Variants in MAP2K5 observed in about 807,000 individuals in gnomAD.
The protein encoded by MAP2K5 is mitogen-activated protein kinase kinase 5, also known as dual specificity mitogen-activated protein kinase kinase 5.
Under a neutral mutation model 83.1 loss-of-function variants are expected in MAP2K5, and 49 were observed. The observed-to-expected ratio is 0.59, with a 90% confidence interval of 0.47 to 0.75. MAP2K5 has a LOEUF of 0.75. MAP2K5 is among the 30% of genes least tolerant of loss of function. The probability of loss-of-function intolerance (pLI) is 0.00; values close to 1 mark genes in which losing one functional copy is unlikely to be tolerated. For missense variants in MAP2K5, 457 were observed against 557.5 expected, an observed-to-expected ratio of 0.82 and a Z score of 1.82; for synonymous variants, 202 against 191.8, an observed-to-expected ratio of 1.05 and a Z score of -0.44.
At chr15:67,735,275 G>C (rs1384690071) in intron 17 of MAP2K5, among the ~76,000 whole-genome samples, 1 of 152,156 alleles carries the variant, frequency 6.6e-6, no homozygotes, top group Non-Finnish European at 1.5e-5. Context: ...CCCAATGTGT[G>C]GGTAGCTTAG....
intron 19 of MAP2K5, among the ~76,000 whole-genome samples, chr15:67,762,654 A>G (rs1490385960): frequency 6.6e-6 from 1 of 152,080 alleles, no homozygotes; most frequent in African/African-American, 2.4e-5. Context: ...TTATCCCAAT[A>G]CTGAAGAACT....
intron 19 of MAP2K5, among the ~76,000 whole-genome samples, chr15:67,753,354 C>G (rs1417351890): frequency 6.6e-6 from 1 of 152,006 alleles, no homozygotes; most frequent in Admixed American, 6.5e-5. Flanking sequence ...TTATCAAAAT[C>G]AAAAACTTTT....
At chr15:67,585,378 A>G (rs1268887412) in intron 4 of MAP2K5, among the ~76,000 whole-genome samples, 1 of 152,208 alleles carries the variant, frequency 6.6e-6, no homozygotes, top group African/African-American at 2.4e-5. Flanking sequence ...AAAATTAGTT[A>G]TATATCTGTA....
rs539324841 is a variant in MAP2K5, at chr15:67,565,799, A to G, written c.252+2449A>G. On this transcript the variant is annotated intron_variant, in intron 3 of 21. Transcript: ENST00000178640. The surrounding 1 kb of genome is among the most constrained non-coding windows in gnomAD (Gnocchi z 4.1). ...ATTTAAAAAAATTTTTTGTAGAGAT[A>G]GGGTCTTGCTTTGTTGCCCAGGTTG... Among the ~76,000 whole-genome samples, 12 of 152,062 alleles carry G rather than the reference A, an allele frequency of 7.9e-5. No individual in the cohort carries two copies. The highest frequency in any genetic ancestry group is 2.4e-4 in the African/African-American group (10 of 41,498).
At chr15:67,666,709 T>C (rs1360125378) in intron 13 of MAP2K5, among the ~76,000 whole-genome samples, 1 of 152,188 alleles carries the variant, frequency 6.6e-6, no homozygotes, top group Non-Finnish European at 1.5e-5. Context: ...ACTTTTTCAG[T>C]TGGTGCTGGC....
chr15:67,629,618 C>T (rs948809398), intron 8 of MAP2K5, among the ~76,000 whole-genome samples: 1 of 152,006 alleles, frequency 6.6e-6, no homozygotes, highest in Admixed American at 6.6e-5. Context: ...TGTTTTACAA[C>T]TGGGCAGGTG....
At chr15:67,686,043 A>G (rs2087944261) in intron 13 of MAP2K5, among the ~76,000 whole-genome samples, 2 of 152,236 alleles carry the variant, frequency 1.3e-5, no homozygotes, top group African/African-American at 4.8e-5. Context: ...GATTAGTGGA[A>G]TGCTAAGAAC....
chr15:67,628,081 A>T, intron 8 of MAP2K5: 4 of 748,080 alleles, frequency 5.3e-6, no homozygotes, highest in Non-Finnish European at 9.5e-6. Context: ...AGGCCACGCA[A>T]GGTGGACGGA....
intron 15 of MAP2K5, among the ~76,000 whole-genome samples, chr15:67,700,329 GT>G (rs1030039662): frequency 5.9e-5 from 9 of 152,044 alleles, no homozygotes; most frequent in African/African-American, 2.2e-4. Context: ...ACAGGTCAGG[GT>G]TTTTTGTTTC....
intron 1 of MAP2K5, among the ~76,000 whole-genome samples, chr15:67,544,696 C>G (rs1391014707): frequency 6.6e-6 from 1 of 152,184 alleles, no homozygotes; most frequent in Non-Finnish European, 1.5e-5. Flanking sequence ...CACATCACTA[C>G]CTGCAAGTTA....
rs1434254961 is a variant in MAP2K5 at position 67,543,910 on chromosome 15, T to C, written c.135+440T>C. 6.6e-6 allele frequency among the ~76,000 whole-genome samples: 1 copy of C among 152,212 alleles called. No individual in the cohort carries two copies. The highest frequency in any genetic ancestry group is 1.5e-5 in the Non-Finnish European group (1 of 68,042). On this transcript the variant is annotated intron_variant, in intron 1 of 21. Transcript: ENST00000178640. The surrounding 1 kb of genome is among the most constrained non-coding windows in gnomAD (Gnocchi z 4.3). ...TTTAACTTACCATGTTTGAGCACAC[T>C]GTTTCATTAATTTATTTTGAGACAG...
In MAP2K5 at chr15:67,785,002, C is replaced by T. The variant is rs1259983730; in HGVS notation, c.1242+12250C>T. On this transcript the variant is annotated intron_variant, in intron 21 of 21. Coordinates refer to ENST00000178640, the MANE Select transcript of MAP2K5 (RefSeq NM_145160.3). This position sits in a 1 kb window ranked among gnomAD's most constrained non-coding sequence, Gnocchi z 4.4. Reference sequence around the variant, plus strand: ...TCACCTAGGCTGGAGTGCAGTGACACGATCTTGGCTCAGTGCAGCCTCAAT... The same window carrying T: ...TCACCTAGGCTGGAGTGCAGTGACATGATCTTGGCTCAGTGCAGCCTCAAT... Among the ~76,000 whole-genome samples, 1 of 152,198 alleles carries T rather than the reference C, an allele frequency of 6.6e-6. No individual in the cohort carries two copies. Among genetic ancestry groups the T allele is most frequent in the African/African-American group, 2.4e-5 (1 of 41,438 alleles).
At chr15:67,663,312 A>G (rs1252175941) in intron 12 of MAP2K5, among the ~76,000 whole-genome samples, 1 of 152,214 alleles carries the variant, frequency 6.6e-6, no homozygotes, top group Non-Finnish European at 1.5e-5. Context: ...GTCCTACTCC[A>G]GTCTAGGATT....
At chr15:67,714,248 T>A (rs1280998682) in intron 16 of MAP2K5, among the ~76,000 whole-genome samples, 1 of 151,852 alleles carries the variant, frequency 6.6e-6, no homozygotes, top group African/African-American at 2.4e-5. Flanking sequence ...TTATTTAACA[T>A]TAGCAACCAC....
rs2088337670 is a variant in MAP2K5, at chr15:67,698,945, A to G, written c.973-4392A>G. Among the ~76,000 whole-genome samples the G allele has an allele frequency of 6.6e-6, 1 of 152,164 alleles. No individual in the cohort carries two copies. On this transcript the variant is annotated intron_variant, in intron 15 of 21. Transcript: ENST00000178640. The surrounding 1 kb of genome is among the most constrained non-coding windows in gnomAD (Gnocchi z 4.5). ...CCCAGGAGGTATACGTATTACTACTATTATTTATTATTACTCTCTTCATTT... is the reference window on the plus strand; with the variant it reads ...CCCAGGAGGTATACGTATTACTACTGTTATTTATTATTACTCTCTTCATTT...
Position 67,618,631 on chromosome 15 carries a change from G to A in MAP2K5, c.546-12257G>A, listed in dbSNP as rs1018764009. ...TTCATTTACAGCTTCTCCCATCTCC[G>A]TAATTGGAAACTCTATTCTATAGGA... On this transcript the variant is annotated intron_variant, in intron 8 of 21. Coordinates refer to ENST00000178640, the MANE Select transcript of MAP2K5 (RefSeq NM_145160.3). Among the ~76,000 whole-genome samples the A allele has an allele frequency of 5.3e-5, 8 of 152,092 alleles. No homozygotes were observed. In the East Asian group the frequency reaches 1.3e-3, roughly 26 times the overall value.
chr15:67,672,022 A>G (rs921812492), intron 13 of MAP2K5, among the ~76,000 whole-genome samples: 4 of 151,886 alleles, frequency 2.6e-5, no homozygotes, highest in African/African-American at 9.7e-5. Context: ...ATAGTATTCC[A>G]TGGTATATAT....
chr15:67,585,672 A>G (rs2085272786), intron 4 of MAP2K5: 5 of 516,226 alleles, frequency 9.7e-6, no homozygotes, highest in Non-Finnish European at 1.4e-5. Flanking sequence ...TGGAATTTAT[A>G]TGAGGTGGTG....
intron 21 of MAP2K5, among the ~76,000 whole-genome samples, chr15:67,799,939 T>TG (rs2090672343): frequency 7.0e-6 from 1 of 143,652 alleles, no homozygotes; most frequent in Non-Finnish European, 1.5e-5. Flanking sequence ...CCACGCAGAG[T>TG]GGGGGGCGGT....
Sources: gnomAD v4.1 joint callset for allele counts (sites outside exome capture counted in the v4.1 genomes callset) on GRCh38, gnomAD v4.1.1 for gene constraint, Gnocchi (gnomAD v3.1) non-coding constraint, MANE v1.5 for transcripts, NCBI Gene and HGNC (gene_info 2026-07-23, HGNC 2026-07-21) for gene names.